Variants in GALNTL6 observed in about 807,000 individuals in gnomAD.
The protein encoded by GALNTL6 is polypeptide N-acetylgalactosaminyltransferase like 6, also known as polypeptide N-acetylgalactosaminyltransferase-like 6.
Under a neutral mutation model 73.7 loss-of-function variants are expected in GALNTL6, and 46 were observed. The observed-to-expected ratio is 0.62, with a 90% CI of 0.49 to 0.80. GALNTL6 has a LOEUF of 0.80. Ranked by LOEUF, GALNTL6 falls within the 30% of genes least tolerant of loss-of-function variation. The pLI is 0.00. For synonymous variants in GALNTL6, 259 were observed against 263.7 expected, an observed-to-expected ratio of 0.98 and a Z score of 0.17; for missense variants, 604 against 755.0, an observed-to-expected ratio of 0.80 and a Z score of 2.34.
In GALNTL6 at chr4:172,596,711, A is replaced by G. The variant is rs78983283; in HGVS notation, c.554-212650A>G. On this transcript the variant is annotated intron_variant, in intron 5 of 12. Coordinates refer to ENST00000506823, the MANE Select transcript of GALNTL6 (RefSeq NM_001034845.3). Reference sequence around the variant, plus strand: ...AAAACACTTCAATTTTAAAATTGCAATAGTTTAATCTAAGGACAGTATTAT... The same window carrying G: ...AAAACACTTCAATTTTAAAATTGCAGTAGTTTAATCTAAGGACAGTATTAT... 1.4e-4 allele frequency among the ~76,000 whole-genome samples: 21 copies of G among 152,302 alleles called. No individual in the cohort carries two copies. In the East Asian group the frequency reaches 4.0e-3, roughly 29 times the overall value.
At chr4:172,524,989 A>G (rs992591297) in intron 5 of GALNTL6, among the ~76,000 whole-genome samples, 1 of 152,218 alleles carries the variant, frequency 6.6e-6, no homozygotes, top group Non-Finnish European at 1.5e-5. Flanking sequence ...ATCAAGTGCT[A>G]TATTTTTTAG....
At chr4:172,754,512 C>A (rs1236649672) in intron 5 of GALNTL6, among the ~76,000 whole-genome samples, 2 of 152,042 alleles carry the variant, frequency 1.3e-5, no homozygotes, top group African/African-American at 4.8e-5. Flanking sequence ...GTGGAGGTTG[C>A]AGTGAGCCGA....
intron 5 of GALNTL6, among the ~76,000 whole-genome samples, chr4:172,788,201 AC>A (rs1739771433): frequency 2.0e-5 from 3 of 151,924 alleles, no homozygotes; most frequent in Admixed American, 2.0e-4. Flanking sequence ...AAACAAACAA[AC>A]AAAAAACACA....
At chr4:172,431,494 A>G (rs1731450019) in intron 5 of GALNTL6, among the ~76,000 whole-genome samples, 2 of 152,154 alleles carry the variant, frequency 1.3e-5, no homozygotes, top group Non-Finnish European at 2.9e-5. Flanking sequence ...ACATATGCAT[A>G]TATGTATGTG....
chr4:172,982,776 G>A (rs542142022), intron 10 of GALNTL6, among the ~76,000 whole-genome samples: 2 of 152,068 alleles, frequency 1.3e-5, no homozygotes, highest in East Asian at 1.9e-4. Context: ...AAGATAATAC[G>A]AAAAAAATTT....
At chr4:172,104,784 C>A (rs1350054706) in intron 2 of GALNTL6, among the ~76,000 whole-genome samples, 1 of 152,108 alleles carries the variant, frequency 6.6e-6, no homozygotes, top group Non-Finnish European at 1.5e-5. Context: ...CCTTGCATTG[C>A]ATATTTGTGG....
chr4:172,860,004 A>T (rs1199793591), intron 7 of GALNTL6, among the ~76,000 whole-genome samples: 1 of 152,218 alleles, frequency 6.6e-6, no homozygotes, highest in Admixed American at 6.5e-5. Flanking sequence ...CAATGTCATA[A>T]TAATAGAAAT....
chr4:172,041,775 C>A (rs746283099), intron 2 of GALNTL6, among the ~76,000 whole-genome samples: 16 of 151,924 alleles, frequency 1.1e-4, no homozygotes, highest in Non-Finnish European at 2.4e-4. Flanking sequence ...GAAAGACGGC[C>A]GCAAATACAT....
intron 12 of GALNTL6, among the ~76,000 whole-genome samples, chr4:173,023,897 G>A (rs1356649405): frequency 6.6e-6 from 1 of 151,882 alleles, no homozygotes; most frequent in African/African-American, 2.4e-5. Context: ...TTTTTTTAAT[G>A]ATTATATTCT....
chr4:172,473,369 C>G (rs182184776), intron 5 of GALNTL6, among the ~76,000 whole-genome samples: 8 of 152,288 alleles, frequency 5.3e-5, no homozygotes, highest in African/African-American at 1.9e-4. Context: ...CCCATCCCTT[C>G]GTTGTTTTGC....
At chr4:172,982,480 A>T (rs1192433172) in intron 10 of GALNTL6, among the ~76,000 whole-genome samples, 2 of 152,242 alleles carry the variant, frequency 1.3e-5, no homozygotes, top group Admixed American at 6.5e-5. Context: ...AGGCCCTGAC[A>T]TGTTAGCCAG....
At chr4:171,858,670 T>G (rs1194009763) in intron 2 of GALNTL6, among the ~76,000 whole-genome samples, 1 of 152,144 alleles carries the variant, frequency 6.6e-6, no homozygotes, top group Non-Finnish European at 1.5e-5. Context: ...ATGTACTTCT[T>G]TCACACACCA....
chr4:172,589,468 T>C (rs1038223987), intron 5 of GALNTL6, among the ~76,000 whole-genome samples: 1 of 152,156 alleles, frequency 6.6e-6, no homozygotes, highest in African/African-American at 2.4e-5. Flanking sequence ...TTGGATACCT[T>C]ACCACACCTG....
intron 7 of GALNTL6, among the ~76,000 whole-genome samples, chr4:172,865,642 A>G (rs1343666336): frequency 1.3e-5 from 2 of 152,234 alleles, no homozygotes; most frequent in East Asian, 3.9e-4. Flanking sequence ...CTGTTTAATT[A>G]TTTTCTAAAA....
intron 2 of GALNTL6, among the ~76,000 whole-genome samples, chr4:171,871,427 A>G (rs1355222714): frequency 6.6e-6 from 1 of 152,144 alleles, no homozygotes; most frequent in Non-Finnish European, 1.5e-5. Flanking sequence ...GCTGTGGATA[A>G]GGGGGGACTG....
chr4:172,594,478 A>G (rs1737773293), intron 5 of GALNTL6, among the ~76,000 whole-genome samples: 2 of 152,176 alleles, frequency 1.3e-5, no homozygotes. Flanking sequence ...TAATATTTCC[A>G]TAAAGTATGG....
intron 2 of GALNTL6, among the ~76,000 whole-genome samples, chr4:172,002,724 T>C (rs935746316): frequency 5.9e-5 from 9 of 152,156 alleles, no homozygotes; most frequent in Non-Finnish European, 1.0e-4. Context: ...AAATGTTTCA[T>C]TGGTCCTGAT....
At chr4:172,027,657 T>C (rs1741630186) in intron 2 of GALNTL6, among the ~76,000 whole-genome samples, 1 of 137,920 alleles carries the variant, frequency 7.3e-6, no homozygotes, top group Non-Finnish European at 1.6e-5. Context: ...AAGCTAGAAA[T>C]GATTAAGCTT....
intron 5 of GALNTL6, among the ~76,000 whole-genome samples, chr4:172,765,021 G>A (rs1251478350): frequency 6.6e-6 from 1 of 152,162 alleles, no homozygotes. Flanking sequence ...TCATTCTCTG[G>A]AACTAGCATA....
Sources: gnomAD v4.1 joint callset for allele counts (sites outside exome capture counted in the v4.1 genomes callset) on GRCh38, gnomAD v4.1.1 for gene constraint, MANE v1.5 for transcripts, NCBI Gene and HGNC (gene_info 2026-07-23, HGNC 2026-07-21) for gene names.